Variants in GALNT17 observed in about 807,000 individuals in gnomAD.
GALNT17 encodes the protein polypeptide N-acetylgalactosaminyltransferase 17, also known as UDP-GalNAc:polypeptide N-acetylgalactosaminyltransferase-like 3.
A neutral mutation model predicts 63.7 loss-of-function variants in GALNT17; 29 were observed. The ratio of observed to expected loss-of-function variants is 0.46; its 90% CI spans 0.34 to 0.62. GALNT17 has a LOEUF of 0.62. GALNT17 is among the 20% of genes least tolerant of loss of function. The probability of loss-of-function intolerance (pLI) is 0.01; values close to 1 mark genes in which losing one functional copy is unlikely to be tolerated. For synonymous variants in GALNT17, 305 were observed against 318.3 expected, an observed-to-expected ratio of 0.96 and a Z score of 0.45; for missense variants, 603 against 799.6, an observed-to-expected ratio of 0.75 and a Z score of 2.97.
chr7:71,485,198 T>C (rs538671487), intron 5 of GALNT17, among the ~76,000 whole-genome samples: 32 of 152,076 alleles, frequency 2.1e-4, no homozygotes, highest in Admixed American at 4.6e-4. Context: ...TTCAACCTCC[T>C]GGGCTCAAGC....
At chr7:71,357,245 G>A (rs1357947827) in intron 2 of GALNT17, among the ~76,000 whole-genome samples, 2 of 152,206 alleles carry the variant, frequency 1.3e-5, no homozygotes, top group African/African-American at 2.4e-5. Context: ...GTGAGTGGCA[G>A]GCAAGTGAGC....
chr7:71,206,790 G>A (rs185451354), intron 1 of GALNT17, among the ~76,000 whole-genome samples: 36 of 152,188 alleles, frequency 2.4e-4, no homozygotes, highest in Admixed American at 1.7e-3. Flanking sequence ...CTGTCTGCAC[G>A]AGGTACCCCT....
intron 1 of GALNT17, among the ~76,000 whole-genome samples, chr7:71,175,459 A>G (rs1019874606): frequency 2.5e-4 from 38 of 152,128 alleles, no homozygotes; most frequent in African/African-American, 9.2e-4. Flanking sequence ...CTGTCTGTCT[A>G]TCAAATATCT....
intron 1 of GALNT17, among the ~76,000 whole-genome samples, chr7:71,199,695 AT>A (rs1464448469): frequency 1.5e-5 from 2 of 132,886 alleles, no homozygotes; most frequent in African/African-American, 5.8e-5. Flanking sequence ...CCATCCATCC[AT>A]CCATCCATCC....
intron 9 of GALNT17, among the ~76,000 whole-genome samples, chr7:71,696,408 C>T (rs867830218): frequency 6.6e-6 from 1 of 152,160 alleles, no homozygotes; most frequent in South Asian, 2.1e-4. Context: ...CCCCTGTGCC[C>T]AGCCAAGAAA....
intron 5 of GALNT17, among the ~76,000 whole-genome samples, chr7:71,506,085 T>A (rs961682773): frequency 7.2e-5 from 11 of 152,202 alleles, no homozygotes; most frequent in Non-Finnish European, 1.3e-4. Context: ...GTGGCATTGG[T>A]GGGTGGTATG....
At chr7:71,568,769 A>T (rs1278214170) in intron 5 of GALNT17, among the ~76,000 whole-genome samples, 1 of 152,210 alleles carries the variant, frequency 6.6e-6, no homozygotes, top group Non-Finnish European at 1.5e-5. Flanking sequence ...ATAATAAATT[A>T]TCTATTGATA....
At chr7:71,559,023 G>A (rs1220433824) in intron 5 of GALNT17, among the ~76,000 whole-genome samples, 3 of 152,132 alleles carry the variant, frequency 2.0e-5, no homozygotes, top group Non-Finnish European at 1.5e-5. Context: ...GGAAGTTGTT[G>A]TTTCAGCATG....
intron 5 of GALNT17, among the ~76,000 whole-genome samples, chr7:71,448,710 A>G (rs1787203363): frequency 6.6e-6 from 1 of 152,220 alleles, no homozygotes; most frequent in Non-Finnish European, 1.5e-5. Context: ...ATAATGTTGA[A>G]TCAGAGAATA....
intron 3 of GALNT17, among the ~76,000 whole-genome samples, chr7:71,392,520 T>C (rs1303678481): frequency 2.6e-5 from 4 of 152,206 alleles, no homozygotes; most frequent in South Asian, 2.1e-4. Flanking sequence ...GCATTTCTTA[T>C]AAGCTCCTAT....
intron 9 of GALNT17, among the ~76,000 whole-genome samples, chr7:71,702,057 A>G (rs1334998780): frequency 6.6e-6 from 1 of 151,632 alleles, no homozygotes; most frequent in South Asian, 2.1e-4. Context: ...CTAATACCAC[A>G]TGTTCTCACT....
intron 5 of GALNT17, among the ~76,000 whole-genome samples, chr7:71,430,752 C>T (rs1370996070): frequency 6.6e-6 from 1 of 152,020 alleles, no homozygotes; most frequent in African/African-American, 2.4e-5. Flanking sequence ...AAATTCTGTG[C>T]ACAGATATGT....
chr7:71,644,575 GAAAGAAAAGAAA>G lies in GALNT17; in HGVS notation c.1081-20821_1081-20810del, dbSNP rs1371616288. On this transcript the variant is annotated intron_variant, in intron 6 of 10. Transcript: ENST00000333538. Reference sequence around the variant, plus strand: ...CAAAAGAAAAAAAAAAGAAGAGAAAGAAAGAAAAGAAAAAAGAAAAGAAAAATCAGCCAGGCA... The same window carrying G: ...CAAAAGAAAAAAAAAAGAAGAGAAAGAAAGAAAAGAAAAATCAGCCAGGCA... Among the ~76,000 whole-genome samples, 5 of 125,264 alleles carry G rather than the reference GAAAGAAAAGAAA, an allele frequency of 4.0e-5. No individual in the cohort carries two copies. The East Asian group carries it at 6.5e-4, about 16-fold the overall frequency. The allele number at this position is 125,264 out of a possible 152,430, so 82.2% of individuals were successfully genotyped here.
At chr7:71,237,797 T>C (rs1205478439) in intron 1 of GALNT17, among the ~76,000 whole-genome samples, 2 of 152,086 alleles carry the variant, frequency 1.3e-5, no homozygotes, top group African/African-American at 2.4e-5. Context: ...TTTTGGAACT[T>C]TTTGGGGATG....
At chr7:71,201,773 A>G (rs556913000) in intron 1 of GALNT17, among the ~76,000 whole-genome samples, 27 of 152,152 alleles carry the variant, frequency 1.8e-4, no homozygotes, top group African/African-American at 6.0e-4. Flanking sequence ...CTGGGATTAC[A>G]GGCACACGCC....
Position 71,132,816 on chromosome 7 carries a change from G to A in GALNT17, c.14G>A (p.Arg5Lys), listed in dbSNP as rs1158449870. The A allele has an allele frequency of 3.7e-6, 6 of 1,607,310 alleles. No individual in the cohort carries two copies. Among genetic ancestry groups the A allele is most frequent in the South Asian group, 3.3e-5 (3 of 90,206 alleles). Residue 5 changes from arginine to lysine, a missense_variant, in exon 1 of 11, where the codon AGA (arginine) becomes AAA (lysine). Transcript: ENST00000333538. ...CCGGGCTGTTTGATGGCTTCACTGA[G>A]AAGAGTCAAAGTGCTGTTGGTGTTG... is the stretch of plus-strand genomic sequence containing the variant. Reference protein sequence around the residue: MASLRRVKVLLVLNL... With the variant: MASLKRVKVLLVLNL...
intron 5 of GALNT17, among the ~76,000 whole-genome samples, chr7:71,508,932 G>A (rs1162612183): frequency 6.6e-6 from 1 of 152,168 alleles, no homozygotes; most frequent in African/African-American, 2.4e-5. Context: ...ATGTGTCTGT[G>A]TGTGTATGCG....
At chr7:71,490,985 G>T (rs533016923) in intron 5 of GALNT17, among the ~76,000 whole-genome samples, 3 of 152,196 alleles carry the variant, frequency 2.0e-5, no homozygotes, top group African/African-American at 7.2e-5. Flanking sequence ...CCTGAGGTTG[G>T]GAATTCGAGA....
At chr7:71,318,932 C>G (rs1286962841) in intron 1 of GALNT17, among the ~76,000 whole-genome samples, 2 of 152,104 alleles carry the variant, frequency 1.3e-5, no homozygotes, top group African/African-American at 4.8e-5. Flanking sequence ...ATCCACATCC[C>G]CATTGTACGC....
Sources: allele counts gnomAD v4.1 joint callset (sites outside exome capture counted in the v4.1 genomes callset), GRCh38; gene constraint gnomAD v4.1.1; transcripts MANE v1.5; gene names NCBI Gene and HGNC (gene_info 2026-07-23, HGNC 2026-07-21).